The following ITPRID2 variants were observed in gnomAD, a reference collection of about 807,000 sequenced individuals.
ITPRID2 encodes the protein ITPR interacting domain containing 2, also known as protein ITPRID2.
Under a neutral mutation model 124.3 loss-of-function variants are expected in ITPRID2, and 60 were observed. The observed-to-expected ratio is 0.48, with a 90% CI of 0.39 to 0.60. ITPRID2 has a LOEUF of 0.60. Ranked by LOEUF, ITPRID2 falls within the 20% of genes least tolerant of loss-of-function variation. The pLI is 0.00. For synonymous variants in ITPRID2, 521 were observed against 542.9 expected, an observed-to-expected ratio of 0.96 and a Z score of 0.56; for missense variants, 1,553 against 1,512.2, an observed-to-expected ratio of 1.03 and a Z score of -0.45.
In ITPRID2 at chr2:181,907,568, G is replaced by C. The variant is rs1479244600; in HGVS notation, c.1414-2331G>C. 1.3e-5 allele frequency among the ~76,000 whole-genome samples: 2 copies of C among 151,720 alleles called. No individual in the cohort carries two copies. Among genetic ancestry groups the C allele is most frequent in the African/African-American group, 4.8e-5 (2 of 41,296 alleles). ...CATCATTCTAATTCAGTTTTATTTG[G>C]CTATTCTTGTTAATTATGAAAGGCT... is the stretch of plus-strand genomic sequence containing the variant. On this transcript the variant is annotated intron_variant, in intron 8 of 17. Transcript: ENST00000431877. This position sits in a 1 kb window ranked among gnomAD's most constrained non-coding sequence, Gnocchi z 5.1.
rs538772535 is a variant in ITPRID2 at position 181,892,567 on chromosome 2, C to A, written c.212-48C>A. On this transcript the variant is annotated intron_variant, in intron 1 of 17. Coordinates refer to ENST00000431877, the MANE Select transcript of ITPRID2 (RefSeq NM_001130445.3). The surrounding 1 kb of genome is among the most constrained non-coding windows in gnomAD (Gnocchi z 5.2). ...GGAGGGTCCAGGGTGACTCCGCCGTCGTAGTGCTCCTGGGTGGTAACGTGC... is the reference window on the plus strand; with the variant it reads ...GGAGGGTCCAGGGTGACTCCGCCGTAGTAGTGCTCCTGGGTGGTAACGTGC... The A allele has an allele frequency of 6.2e-7, 1 of 1,612,098 alleles. No homozygotes were observed. Among genetic ancestry groups the A allele is most frequent in the East Asian group, 2.2e-5 (1 of 44,858 alleles).
chr2:181,924,689 G>A (rs1694722325), intron 16 of ITPRID2, among the ~76,000 whole-genome samples: 2 of 152,140 alleles, frequency 1.3e-5, no homozygotes, highest in African/African-American at 4.8e-5. Context: ...TAAAAAGAGG[G>A]TTTTCATCAT....
rs1379684127 is a variant in ITPRID2 at position 181,922,169 on chromosome 2, A to G, written c.3432A>G (p.Ala1144=). ...SVGKSKTPLV[A]RKKVFRASVA... The stretch of plus-strand genomic sequence containing the variant: ...GCAAATCCAAAACCCCATTAGTGGC[A>G]AGGAAGAAAGTGTTCCGAGCATCGG... Residue 1144 remains alanine, a synonymous_variant, in exon 16 of 18, where the codon GCA becomes GCG. Coordinates refer to ENST00000431877, the MANE Select transcript of ITPRID2 (RefSeq NM_001130445.3). The G allele has an allele frequency of 4.7e-5, 76 of 1,614,144 alleles. No individual in the cohort carries two copies. The highest frequency in any genetic ancestry group is 6.4e-5 in the Non-Finnish European group (75 of 1,180,052).
At chr2:181,906,239 A>G (rs1693102662) in intron 8 of ITPRID2, among the ~76,000 whole-genome samples, 1 of 152,124 alleles carries the variant, frequency 6.6e-6, no homozygotes, top group Non-Finnish European at 1.5e-5. Context: ...GTTCTTCACC[A>G]TCTTTCTGAG....
At chr2:181,926,454 C>T (rs1694862667) in intron 16 of ITPRID2, among the ~76,000 whole-genome samples, 3 of 152,058 alleles carry the variant, frequency 2.0e-5, no homozygotes, top group Admixed American at 6.5e-5. Flanking sequence ...TGGCTCACGC[C>T]TGTAATCCCA....
intron 17 of ITPRID2, 38 bp downstream of exon 17, chr2:181,928,316 A>C: frequency 8.2e-7 from 1 of 1,222,974 alleles, no homozygotes; most frequent in Non-Finnish European, 1.1e-6. Flanking sequence ...GCTAAATGTA[A>C]ATAGTAACTG....
intron 4 of ITPRID2, 23 bp from the exon 5 acceptor site, chr2:181,898,857 A>G (rs746749227): frequency 6.4e-7 from 1 of 1,570,490 alleles, no homozygotes; most frequent in Non-Finnish European, 8.8e-7. Flanking sequence ...ATTGTGCTCT[A>G]CGTTTATTGT....
intron 2 of ITPRID2, chr2:181,894,374 T>C (rs1342736162): frequency 6.6e-6 from 1 of 152,194 alleles, no homozygotes; most frequent in African/African-American, 2.4e-5. Context: ...TGCTGCTCCT[T>C]CTCTCATGGA....
intron 2 of ITPRID2, chr2:181,894,732 G>T (rs1692048435): frequency 6.6e-6 from 1 of 152,096 alleles, no homozygotes; most frequent in Admixed American, 6.5e-5. Flanking sequence ...TTTGTGGGGG[G>T]ACTAAGTAAA....
In ITPRID2 at chr2:181,919,585, C is replaced by G; in HGVS notation, c.3144+139C>G. The stretch of plus-strand genomic sequence containing the variant: ...ATGCATACTGTTTAAGGAGCTTTCC[C>G]ACAAATCAGTTGAATGTACAATTTG... On this transcript the variant is annotated intron_variant, in intron 14 of 17. Coordinates refer to ENST00000431877, the MANE Select transcript of ITPRID2 (RefSeq NM_001130445.3). The surrounding 1 kb of genome is among the most constrained non-coding windows in gnomAD (Gnocchi z 4.2). 1 of 832,830 alleles carries G rather than the reference C, an allele frequency of 1.2e-6. No individual in the cohort carries two copies. Among genetic ancestry groups the G allele is most frequent in the Non-Finnish European group, 1.7e-6 (1 of 596,968 alleles). 51.6% of individuals were successfully genotyped at this position (832,830 alleles called of 1,614,324 possible).
chr2:181,896,294 T>G lies in ITPRID2; in HGVS notation c.307+215T>G, dbSNP rs912659971. ...TAGCCTTTTCACAACGTGAAACTTATATCTTTATTGTCCAGTTAGGTATTA... is the reference window on the plus strand; with the variant it reads ...TAGCCTTTTCACAACGTGAAACTTAGATCTTTATTGTCCAGTTAGGTATTA... On this transcript the variant is annotated intron_variant, in intron 3 of 17. Transcript: ENST00000431877. This position sits in a 1 kb window ranked among gnomAD's most constrained non-coding sequence, Gnocchi z 4.3. 2.0e-5 allele frequency among the ~76,000 whole-genome samples: 3 copies of G among 152,050 alleles called. No homozygotes were observed. Among genetic ancestry groups the G allele is most frequent in the Admixed American group, 6.6e-5 (1 of 15,258 alleles).
rs780139875 is a variant in ITPRID2 at position 181,915,252 on chromosome 2, G to A, written c.1612G>A (p.Asp538Asn). ...ESLQAMGSSA[D>N]SCDSETTVTS... ...CTTGCAGGCTATGGGGAGTAGTGCT[G>A]ATAGTTGTGACAGTGAGACAACAGT... The change falls in exon 11 of 18, where the codon GAT becomes AAT. Residue 538 changes from aspartate to asparagine, a missense_variant. Transcript: ENST00000431877. 6.2e-7 allele frequency: 1 copy of A among 1,614,168 alleles called. No individual in the cohort carries two copies. Among genetic ancestry groups the A allele is most frequent in the South Asian group, 1.1e-5 (1 of 91,074 alleles).
chr2:181,920,666 A>G lies in ITPRID2; in HGVS notation c.3210+4A>G. ...TCCATTGAATGTAATGGAACCAGTA[A>G]GCTTCTTTCCTCTTAAATCACTGGG... On this transcript the variant is annotated splice_donor_region_variant and intron_variant, in intron 15 of 17. Transcript: ENST00000431877. 1 of 1,611,114 alleles carries G rather than the reference A, an allele frequency of 6.2e-7. No homozygotes were observed.
At chr2:181,929,309 TATA>T (rs1405738235) in intron 17 of ITPRID2, among the ~76,000 whole-genome samples, 1 of 152,016 alleles carries the variant, frequency 6.6e-6, no homozygotes. Context: ...ATTTGAAAAG[TATA>T]ATATACAATT....
chr2:181,928,052 T>C, intron 16 of ITPRID2, 109 bp from the exon 17 acceptor site: 1 of 690,232 alleles, frequency 1.4e-6, no homozygotes, highest in Non-Finnish European at 2.4e-6. Context: ...GAGATTCACA[T>C]GAAGGTGAAA....
At position 181,898,863 on chromosome 2, in the gene ITPRID2, ATTG is replaced by A. The variant is rs1202265441; in HGVS notation, c.365-14_365-12del. The A allele has an allele frequency of 8.8e-6, 14 of 1,591,688 alleles. No individual in the cohort carries two copies. The highest frequency in any genetic ancestry group is 1.3e-5 in the African/African-American group (1 of 74,278). ...CTACTAACAATTGTGCTCTACGTTT[ATTG>A]TTTTTACCTGTAGCCAACCACCTCC... On this transcript the variant is annotated splice_polypyrimidine_tract_variant and intron_variant, in intron 4 of 17. Transcript: ENST00000431877.
intron 9 of ITPRID2, among the ~76,000 whole-genome samples, chr2:181,913,335 G>C (rs1256580601): frequency 6.6e-6 from 1 of 152,140 alleles, no homozygotes; most frequent in Non-Finnish European, 1.5e-5. Flanking sequence ...CCAAAGTGCT[G>C]GGATTACAGG....
chr2:181,913,799 A>G (rs745956142), intron 9 of ITPRID2, 46 bp from the exon 10 acceptor site: 2 of 1,414,334 alleles, frequency 1.4e-6, no homozygotes, highest in East Asian at 2.3e-5. Context: ...CACTTTTTTT[A>G]TTTATAGATC....
At position 181,916,075 on chromosome 2, in the gene ITPRID2, C is replaced by T. The variant is rs1243269562; in HGVS notation, c.2435C>T (p.Ala812Val). The change falls in exon 11 of 18, where the codon GCC (alanine) becomes GTC (valine). Residue 812 changes from alanine (A) to valine (V), a missense_variant. Physicochemically the swap from Ala to Val is moderately conservative, Grantham distance 64 (BLOSUM62 0). Coordinates refer to ENST00000431877, the MANE Select transcript of ITPRID2 (RefSeq NM_001130445.3). Reference sequence around the variant, plus strand: ...CCATCATCTGTGAAGAAAGAAGAAGCCCCCCAGAGTGAGGCGCCGCGGGTG... The same window carrying T: ...CCATCATCTGTGAAGAAAGAAGAAGTCCCCCAGAGTGAGGCGCCGCGGGTG... ...ISPSSVKKEE[A>V]PQSEAPRVEE... 2.5e-6 allele frequency: 4 copies of T among 1,613,994 alleles called. No individual in the cohort carries two copies. Among genetic ancestry groups the T allele is most frequent in the East Asian group, 4.5e-5 (2 of 44,900 alleles).
Sources: allele counts gnomAD v4.1 joint callset (sites outside exome capture counted in the v4.1 genomes callset), GRCh38; gene constraint gnomAD v4.1.1; non-coding constraint Gnocchi (gnomAD v3.1); transcripts MANE v1.5; gene names NCBI Gene and HGNC (gene_info 2026-07-23, HGNC 2026-07-21).